DPP10: variants seen among roughly 807,000 people sequenced by gnomAD.
The protein encoded by DPP10 is inactive dipeptidyl peptidase 10.
Under a neutral mutation model 120.9 loss-of-function variants are expected in DPP10, and 33 were observed. The ratio of observed to expected loss-of-function variants is 0.27; its 90% confidence interval spans 0.21 to 0.37. The LOEUF is 0.37. Ranked by LOEUF, DPP10 falls within the 10% of genes least tolerant of loss-of-function variation. The pLI is 1.00. For missense variants in DPP10, 816 were observed against 942.8 expected, an observed-to-expected ratio of 0.87 and a Z score of 1.76; for synonymous variants, 337 against 326.1, an observed-to-expected ratio of 1.03 and a Z score of -0.36.
At chr2:115,213,732 C>G (rs930406717) in intron 1 of DPP10, among the ~76,000 whole-genome samples, 2 of 152,056 alleles carry the variant, frequency 1.3e-5, no homozygotes, top group Non-Finnish European at 2.9e-5. Flanking sequence ...CCAAATGATA[C>G]TAATATGATT....
In DPP10 at chr2:115,404,626, AT is replaced by A. The variant is rs201914448; in HGVS notation, c.271+60718del. On this transcript the variant is annotated intron_variant, in intron 3 of 25. Transcript: ENST00000410059. ...TAGGATACCTGAGACTGGGTAATCTATTTTAAAAAAAAAGACGTTTATTTTG... is the reference window on the plus strand; with the variant it reads ...TAGGATACCTGAGACTGGGTAATCTATTTAAAAAAAAAGACGTTTATTTTG... Among the ~76,000 whole-genome samples the A allele has an allele frequency of 5.7e-4, 86 of 151,778 alleles. 1 individual carries two copies. In the South Asian group the frequency reaches 0.015, roughly 27 times the overall value.
At chr2:114,521,131 A>T (rs1685011343) in intron 1 of DPP10, among the ~76,000 whole-genome samples, 1 of 152,186 alleles carries the variant, frequency 6.6e-6, no homozygotes. Context: ...TAAATAAAAA[A>T]TATAGCCTTC....
In DPP10 at chr2:115,075,033, C is replaced by A. The variant is rs569976521; in HGVS notation, c.61-234206C>A. On this transcript the variant is annotated intron_variant, in intron 1 of 25. Transcript: ENST00000410059. ...AGGAGCGATGCCTTGGTCCCACAGA[C>A]AAGAGAGTGAGAAGCAGTTATACGT... Among the ~76,000 whole-genome samples the A allele has an allele frequency of 2.3e-4, 35 of 152,252 alleles. 1 individual carries two copies. In the South Asian group the frequency reaches 6.0e-3, roughly 26 times the overall value.
chr2:114,732,813 A>C (rs1213385443), intron 1 of DPP10, among the ~76,000 whole-genome samples: 3 of 152,166 alleles, frequency 2.0e-5, no homozygotes, highest in Non-Finnish European at 4.4e-5. Context: ...TTTAATTTTT[A>C]TAATGATGCT....
chr2:114,887,834 C>T (rs982974962), intron 1 of DPP10, among the ~76,000 whole-genome samples: 1 of 152,166 alleles, frequency 6.6e-6, no homozygotes, highest in African/African-American at 2.4e-5. Flanking sequence ...ACTCTGTTCT[C>T]TCATCTAGAA....
At chr2:115,106,041 C>T (rs2048930121) in intron 1 of DPP10, among the ~76,000 whole-genome samples, 1 of 152,184 alleles carries the variant, frequency 6.6e-6, no homozygotes, top group Non-Finnish European at 1.5e-5. Context: ...CAGACTGTTT[C>T]CTACTACTGA....
chr2:114,751,795 C>T (rs1679251591), intron 1 of DPP10, among the ~76,000 whole-genome samples: 1 of 152,200 alleles, frequency 6.6e-6, no homozygotes, highest in South Asian at 2.1e-4. Flanking sequence ...AGCTGAAAAC[C>T]TCATTAAAAT....
At chr2:114,935,858 T>C (rs1225431245) in intron 1 of DPP10, among the ~76,000 whole-genome samples, 1 of 143,006 alleles carries the variant, frequency 7.0e-6, no homozygotes, top group Non-Finnish European at 1.6e-5. Context: ...ACTAAAAAAC[T>C]GAAGGTTTTT....
At chr2:115,587,505 C>G (rs928370084) in intron 5 of DPP10, among the ~76,000 whole-genome samples, 6 of 152,080 alleles carry the variant, frequency 3.9e-5, no homozygotes, top group Non-Finnish European at 7.4e-5. Context: ...TTTCATTTAA[C>G]GTAATATCCT....
chr2:115,284,289 CATAACATTCTGATTTGTTTA>C (rs1347131713), intron 1 of DPP10, among the ~76,000 whole-genome samples: 1 of 151,966 alleles, frequency 6.6e-6, no homozygotes, highest in African/African-American at 2.4e-5. Context: ...TACTCTTCTC[CATAACATTCTGATTTGTTTA>C]ACCTTGTCAT....
intron 5 of DPP10, among the ~76,000 whole-genome samples, chr2:115,663,021 G>T (rs1261751037): frequency 6.6e-6 from 1 of 151,672 alleles, no homozygotes; most frequent in South Asian, 2.1e-4. Context: ...AATTTTTGTG[G>T]GTACATACTA....
chr2:114,701,042 A>G (rs1024529194), intron 1 of DPP10, among the ~76,000 whole-genome samples: 1 of 152,044 alleles, frequency 6.6e-6, no homozygotes, highest in Non-Finnish European at 1.5e-5. Flanking sequence ...TATTCAATTT[A>G]AGAGAGGTTT....
At chr2:115,156,156 T>C (rs2051895941) in intron 1 of DPP10, among the ~76,000 whole-genome samples, 1 of 152,198 alleles carries the variant, frequency 6.6e-6, no homozygotes. Context: ...TATTGAAAGA[T>C]GTGTTTTAAT....
rs376303805 is a variant in DPP10 at position 114,888,741 on chromosome 2, G to A, written c.61-420498G>A. On this transcript the variant is annotated intron_variant, in intron 1 of 25. Coordinates refer to ENST00000410059, the MANE Select transcript of DPP10 (RefSeq NM_020868.6). ...AGAGACAGAAACTCACCCAGCTTGGGTTAAAAATCATACAGGATCCCCATG... is the reference window on the plus strand; with the variant it reads ...AGAGACAGAAACTCACCCAGCTTGGATTAAAAATCATACAGGATCCCCATG... Among the ~76,000 whole-genome samples the A allele has an allele frequency of 6.6e-5, 10 of 152,264 alleles. No individual in the cohort carries two copies. The East Asian group carries it at 1.9e-3, about 29-fold the overall frequency.
At chr2:114,541,165 C>T (rs1686919395) in intron 1 of DPP10, among the ~76,000 whole-genome samples, 2 of 152,274 alleles carry the variant, frequency 1.3e-5, no homozygotes, top group African/African-American at 2.4e-5. Flanking sequence ...CACGGCTTTT[C>T]GCAACTACTC....
intron 1 of DPP10, among the ~76,000 whole-genome samples, chr2:114,571,907 T>C (rs1255279939): frequency 6.7e-6 from 1 of 148,554 alleles, no homozygotes; most frequent in Non-Finnish European, 1.5e-5. Context: ...ATTTATACTA[T>C]ATATTGTGTA....
intron 1 of DPP10, among the ~76,000 whole-genome samples, chr2:115,040,180 G>A (rs1704529987): frequency 6.6e-6 from 1 of 151,970 alleles, no homozygotes; most frequent in African/African-American, 2.4e-5. Context: ...TGATGTCTGG[G>A]GGATTACAAT....
intron 1 of DPP10, among the ~76,000 whole-genome samples, chr2:114,874,447 A>C (rs1241196238): frequency 1.3e-5 from 2 of 152,080 alleles, no homozygotes; most frequent in Middle Eastern, 3.2e-3. Context: ...CAGTGACAGC[A>C]ACCAAAATGA....
intron 1 of DPP10, among the ~76,000 whole-genome samples, chr2:114,756,672 C>T (rs888486020): frequency 7.9e-5 from 12 of 152,248 alleles, no homozygotes; most frequent in Non-Finnish European, 1.8e-4. Flanking sequence ...GAGCATGGGA[C>T]GTACATTTAC....
Sources: gnomAD v4.1 joint callset for allele counts (sites outside exome capture counted in the v4.1 genomes callset) on GRCh38, gnomAD v4.1.1 for gene constraint, MANE v1.5 for transcripts, NCBI Gene and HGNC (gene_info 2026-07-23, HGNC 2026-07-21) for gene names.